Variants in SHB observed in about 807,000 individuals in gnomAD.
The protein encoded by SHB is SH2 domain containing adaptor protein B, also known as SH2 domain-containing adapter protein B.
SHB carries 20 observed loss-of-function variants against 52.3 expected under a neutral mutation model. The ratio of observed to expected loss-of-function variants is 0.38; its 90% CI spans 0.27 to 0.56. The LOEUF (loss-of-function observed/expected upper bound fraction) is 0.56. Among genes scored for constraint, SHB ranks in the 20% least tolerant of loss-of-function variants. The pLI is 0.71. For missense variants in SHB, 825 were observed against 723.3 expected (o/e 1.14, Z -1.61); for synonymous variants, 397 against 316.5 (o/e 1.25, Z -2.70).
chr9:37,968,324 A>G (rs1820553680), intron 3 of SHB, among the ~76,000 whole-genome samples: 1 of 152,320 alleles, frequency 6.6e-6, no homozygotes, highest in East Asian at 1.9e-4. Flanking sequence ...GAGACTGAAC[A>G]GTCTGTCTCA....
chr9:37,962,905 A>G (rs113924062), intron 3 of SHB, among the ~76,000 whole-genome samples: 1 of 152,200 alleles, frequency 6.6e-6, no homozygotes, highest in African/African-American at 2.4e-5. Flanking sequence ...TGGCAAACCT[A>G]TGAGGTCAGT....
intron 5 of SHB, among the ~76,000 whole-genome samples, chr9:37,947,276 C>T (rs1215642167): frequency 1.3e-5 from 2 of 152,208 alleles, no homozygotes; most frequent in East Asian, 3.8e-4. Context: ...CTGGTTTAGG[C>T]AGTGGTCCAG....
intron 3 of SHB, among the ~76,000 whole-genome samples, chr9:37,959,741 T>A (rs545674700): frequency 6.6e-6 from 1 of 152,270 alleles, no homozygotes; most frequent in South Asian, 2.1e-4. Flanking sequence ...TTCACCTCAC[T>A]AATACCACTT....
intron 2 of SHB, among the ~76,000 whole-genome samples, chr9:37,987,106 C>T (rs1820818490): frequency 6.6e-6 from 1 of 152,228 alleles, no homozygotes. Context: ...TCTCACAGAA[C>T]CTCACAGAGC....
At chr9:38,002,685 T>G (rs891460090) in intron 2 of SHB, among the ~76,000 whole-genome samples, 1 of 152,150 alleles carries the variant, frequency 6.6e-6, no homozygotes, top group Non-Finnish European at 1.5e-5. Flanking sequence ...TGAAAGAAGA[T>G]TTCCAGAGAG....
At chr9:37,986,373 T>A (rs1040774358) in intron 2 of SHB, among the ~76,000 whole-genome samples, 1 of 149,578 alleles carries the variant, frequency 6.7e-6, no homozygotes, top group Non-Finnish European at 1.5e-5. Flanking sequence ...GCTCATGAGG[T>A]AGAAGGAAAC....
intron 1 of SHB, among the ~76,000 whole-genome samples, chr9:38,049,688 C>T (rs931233455): frequency 1.3e-5 from 2 of 151,294 alleles, no homozygotes; most frequent in African/African-American, 2.4e-5. Flanking sequence ...GACTTGCCCA[C>T]AGTCACAGTC....
intron 4 of SHB, among the ~76,000 whole-genome samples, chr9:37,951,225 C>T (rs1330456346): frequency 6.6e-6 from 1 of 152,200 alleles, no homozygotes; most frequent in African/African-American, 2.4e-5. Flanking sequence ...AGCTGGACAT[C>T]CGGAGGGGAG....
At chr9:37,941,614 C>T (rs1308770642) in intron 5 of SHB, among the ~76,000 whole-genome samples, 4 of 152,230 alleles carry the variant, frequency 2.6e-5, no homozygotes, top group African/African-American at 4.8e-5. Flanking sequence ...GCTGCACACA[C>T]CTGCCTTCCC....
rs1443988909 is a variant in SHB at position 38,016,063 on chromosome 9, C to A, written c.786G>T (p.Lys262Asn). 5 of 1,614,102 alleles carry A rather than the reference C, an allele frequency of 3.1e-6. No homozygotes were observed. In the Admixed American group the frequency reaches 6.7e-5, roughly 22 times the overall value. The change falls in exon 2 of 6, where the codon AAG (lysine) becomes AAT (asparagine). Residue 262 changes from lysine (K) to asparagine (N), a missense_variant. By Grantham distance (94) the Lys-to-Asn change is moderately conservative. Transcript: ENST00000377707. Reference sequence around the variant, plus strand: ...GCTCCATGTAGCCAGCACTCTCCCCCTTTCCTGCTTTGCTCTTGAGATCAT... The same window carrying A: ...GCTCCATGTAGCCAGCACTCTCCCCATTTCCTGCTTTGCTCTTGAGATCAT... ...AKNDLKSKAG[K>N]GESAGYMEPY...
At chr9:37,962,802 T>G (rs7033326) in intron 3 of SHB, among the ~76,000 whole-genome samples, 2 of 151,430 alleles carry the variant, frequency 1.3e-5, no homozygotes, top group African/African-American at 4.9e-5. Flanking sequence ...AAGGAGCCAC[T>G]ATGCCTGGCC....
intron 5 of SHB, among the ~76,000 whole-genome samples, chr9:37,944,165 G>A (rs568122783): frequency 2.0e-5 from 3 of 152,286 alleles, no homozygotes; most frequent in Admixed American, 6.5e-5. Context: ...CAGAATCGCC[G>A]AAGACGATTC....
intron 5 of SHB, among the ~76,000 whole-genome samples, chr9:37,946,090 C>T (rs1381419197): frequency 6.6e-6 from 1 of 152,212 alleles, no homozygotes; most frequent in African/African-American, 2.4e-5. Flanking sequence ...TGTCTGTCAG[C>T]AGCTCATTGC....
intron 2 of SHB, among the ~76,000 whole-genome samples, chr9:38,009,882 A>G (rs953063933): frequency 1.3e-5 from 2 of 152,248 alleles, no homozygotes; most frequent in Non-Finnish European, 2.9e-5. Flanking sequence ...AAAACATGCT[A>G]AGGACTTTTT....
chr9:37,950,792 G>A (rs950204613), intron 4 of SHB, among the ~76,000 whole-genome samples: 54 of 152,220 alleles, frequency 3.5e-4, no homozygotes, highest in African/African-American at 1.2e-3. Context: ...GATGTGGGGC[G>A]AGTCTTAACC....
chr9:38,049,337 G>A (rs1317051996), intron 1 of SHB, among the ~76,000 whole-genome samples: 1 of 152,142 alleles, frequency 6.6e-6, no homozygotes, highest in Non-Finnish European at 1.5e-5. Flanking sequence ...AGATGGGTGT[G>A]GTGGCTCATG....
At chr9:38,025,499 G>A (rs1446325892) in intron 1 of SHB, among the ~76,000 whole-genome samples, 1 of 152,232 alleles carries the variant, frequency 6.6e-6, no homozygotes, top group African/African-American at 2.4e-5. Flanking sequence ...CCCTGGTCGC[G>A]AAGAGTAAGA....
At chr9:38,056,413 CCT>C (rs1301864587) in intron 1 of SHB, among the ~76,000 whole-genome samples, 1 of 152,194 alleles carries the variant, frequency 6.6e-6, no homozygotes, top group African/African-American at 2.4e-5. Context: ...TTCACTGCAA[CCT>C]CTGTCTCCTG....
At position 37,916,447 on chromosome 9, in the gene SHB, G is replaced by A. The variant is rs974497138; in HGVS notation, c.*3374C>T. Among the ~76,000 whole-genome samples, 8 of 152,354 alleles carry A rather than the reference G, an allele frequency of 5.3e-5. No homozygotes were observed. Among genetic ancestry groups the A allele is most frequent in the African/African-American group, 9.6e-5 (4 of 41,586 alleles). ...CTGAGACAGCGTCTGGGGAGCTACC[G>A]GAACTTCGTGTTCAGCATCTTACAA... On this transcript the variant is annotated 3_prime_UTR_variant, in exon 6 of 6. Transcript: ENST00000377707.
Sources: gnomAD v4.1 joint callset for allele counts (sites outside exome capture counted in the v4.1 genomes callset) on GRCh38, gnomAD v4.1.1 for gene constraint, MANE v1.5 for transcripts, NCBI Gene and HGNC (gene_info 2026-07-23, HGNC 2026-07-21) for gene names.